The following MEGF11 variants were observed in gnomAD, a reference collection of about 807,000 sequenced individuals.
MEGF11 encodes multiple epidermal growth factor-like domains protein 11.
MEGF11 carries 126 observed loss-of-function variants against 146.6 expected under a neutral mutation model. That is an observed-to-expected ratio of 0.86 (90% CI 0.74 to 1.00). MEGF11 has a LOEUF of 1.00. Ranked by LOEUF, MEGF11 falls within the 50% of genes least tolerant of loss-of-function variation. The probability of loss-of-function intolerance (pLI) is 0.00; values close to 1 mark genes in which losing one functional copy is unlikely to be tolerated. For missense variants in MEGF11, 1,509 were observed against 1,521.2 expected, an observed-to-expected ratio of 0.99 and a Z score of 0.13; for synonymous variants, 532 against 583.4, an observed-to-expected ratio of 0.91 and a Z score of 1.27.
chr15:66,102,529 C>A (rs1597085180), intron 4 of MEGF11, among the ~76,000 whole-genome samples: 2 of 151,118 alleles, frequency 1.3e-5, no homozygotes, highest in Admixed American at 6.6e-5. Flanking sequence ...TGGGCTCAAG[C>A]AATCCTCCTG....
intron 1 of MEGF11, among the ~76,000 whole-genome samples, chr15:66,220,606 C>T (rs2091711574): frequency 6.8e-6 from 1 of 147,334 alleles, no homozygotes; most frequent in African/African-American, 2.5e-5. Flanking sequence ...GGCGTGATCT[C>T]GGCTCACTGC....
At chr15:66,008,239 G>C (rs777635114) in intron 5 of MEGF11, among the ~76,000 whole-genome samples, 1 of 152,148 alleles carries the variant, frequency 6.6e-6, no homozygotes, top group Non-Finnish European at 1.5e-5. Flanking sequence ...AGATGTTGTA[G>C]TTGAAGCAGA....
intron 5 of MEGF11, among the ~76,000 whole-genome samples, chr15:65,983,456 G>A (rs1026961982): frequency 5.3e-5 from 8 of 152,120 alleles, no homozygotes; most frequent in African/African-American, 1.2e-4. Context: ...AGCCTCATTC[G>A]CTCAAATTCT....
intron 21 of MEGF11, chr15:65,910,107 G>A: frequency 1.8e-6 from 1 of 545,112 alleles, no homozygotes. Flanking sequence ...GCTGGGGGGT[G>A]GGGCTGAGCT....
intron 5 of MEGF11, among the ~76,000 whole-genome samples, chr15:65,999,047 C>CTT (rs35982125): frequency 1.4e-5 from 2 of 143,986 alleles, no homozygotes; most frequent in Non-Finnish European, 1.5e-5. Flanking sequence ...GGTGTCACTT[C>CTT]TTTTTTTTTT....
intron 5 of MEGF11, among the ~76,000 whole-genome samples, chr15:66,090,198 C>T (rs140878933): frequency 3.1e-3 from 472 of 151,890 alleles, no homozygotes; most frequent in Non-Finnish European, 4.4e-3. Flanking sequence ...CTGTCAAAGT[C>T]ATAAATCCAT....
chr15:66,132,785 A>G lies in MEGF11; in HGVS notation c.-8-4374T>C, dbSNP rs114496436. Among the ~76,000 whole-genome samples the G allele has an allele frequency of 4.9e-3, 744 of 152,120 alleles. 6 individuals carry two copies. Among genetic ancestry groups the G allele is most frequent in the African/African-American group, 0.017 (707 of 41,494 alleles). The stretch of plus-strand genomic sequence containing the variant: ...TGGAAATTTCTCCCCTCCTATATTT[A>G]CCACTTAGATATGGCCTTGGCTCTT... On this transcript the variant is annotated intron_variant, in intron 1 of 25. Coordinates refer to ENST00000395614, the MANE Select transcript of MEGF11 (RefSeq NM_001385028.1).
At chr15:66,249,301 G>A (rs1390828098) in intron 1 of MEGF11, among the ~76,000 whole-genome samples, 2 of 152,122 alleles carry the variant, frequency 1.3e-5, no homozygotes, top group Non-Finnish European at 2.9e-5. Flanking sequence ...CCATTAGCAG[G>A]AGAAGCAATC....
At chr15:66,078,065 A>T (rs1439981562) in intron 5 of MEGF11, among the ~76,000 whole-genome samples, 1 of 152,162 alleles carries the variant, frequency 6.6e-6, no homozygotes, top group African/African-American at 2.4e-5. Flanking sequence ...GGCAGAGGGC[A>T]TCAACCAGAG....
chr15:66,069,401 G>T (rs1442334262), intron 5 of MEGF11, among the ~76,000 whole-genome samples: 2 of 152,214 alleles, frequency 1.3e-5, no homozygotes, highest in Non-Finnish European at 2.9e-5. Flanking sequence ...AACCAGCATG[G>T]ACTGAATACT....
At chr15:66,092,653 G>C (rs139067694) in intron 5 of MEGF11, among the ~76,000 whole-genome samples, 1 of 152,160 alleles carries the variant, frequency 6.6e-6, no homozygotes, top group African/African-American at 2.4e-5. Context: ...CAGAAACCCT[G>C]AAAAGACACA....
intron 5 of MEGF11, among the ~76,000 whole-genome samples, chr15:66,089,183 G>C (rs539144241): frequency 4.6e-5 from 7 of 152,302 alleles, no homozygotes; most frequent in Non-Finnish European, 8.8e-5. Context: ...CACCATTCAA[G>C]ATAAGAACAC....
At position 66,089,859 on chromosome 15, in the gene MEGF11, G is replaced by C. The variant is rs1354161217; in HGVS notation, c.394+4543C>G. On this transcript the variant is annotated intron_variant, in intron 5 of 25. Coordinates refer to ENST00000395614, the MANE Select transcript of MEGF11 (RefSeq NM_001385028.1). ...TCTTCCTTTTTATCTCCACTTGTGAGATTAGTGCAATTTAATAAGAGTCAC... is the reference window on the plus strand; with the variant it reads ...TCTTCCTTTTTATCTCCACTTGTGACATTAGTGCAATTTAATAAGAGTCAC... Among the ~76,000 whole-genome samples the C allele has an allele frequency of 2.6e-5, 4 of 152,200 alleles. No homozygotes were observed. In the East Asian group the frequency reaches 7.7e-4, roughly 29 times the overall value.
chr15:65,940,098 G>A (rs1438369658), intron 10 of MEGF11, among the ~76,000 whole-genome samples: 1 of 152,148 alleles, frequency 6.6e-6, no homozygotes, highest in Admixed American at 6.5e-5. Flanking sequence ...ACGGGGTGGG[G>A]CATAAAATGA....
intron 10 of MEGF11, among the ~76,000 whole-genome samples, chr15:65,944,745 A>G (rs1596881315): frequency 6.6e-6 from 1 of 152,252 alleles, no homozygotes; most frequent in South Asian, 2.1e-4. Context: ...AAAAACAATT[A>G]TAGGCTGAAT....
intron 5 of MEGF11, among the ~76,000 whole-genome samples, chr15:66,090,724 A>C (rs1303322069): frequency 6.6e-6 from 1 of 152,390 alleles, no homozygotes; most frequent in East Asian, 1.9e-4. Context: ...ACAAGGGACT[A>C]GTTAAATGCA....
At chr15:66,067,428 G>A (rs1263938147) in intron 5 of MEGF11, among the ~76,000 whole-genome samples, 1 of 152,218 alleles carries the variant, frequency 6.6e-6, no homozygotes, top group Non-Finnish European at 1.5e-5. Context: ...CTTTACAGAT[G>A]GAGAAAATGA....
intron 1 of MEGF11, among the ~76,000 whole-genome samples, chr15:66,193,288 A>G (rs546590681): frequency 1.7e-4 from 26 of 152,306 alleles, no homozygotes; most frequent in African/African-American, 6.3e-4. Context: ...CTTTGTGTTC[A>G]TATAGCTGCT....
intron 1 of MEGF11, among the ~76,000 whole-genome samples, chr15:66,218,762 T>C (rs1433554132): frequency 1.3e-5 from 2 of 152,072 alleles, no homozygotes; most frequent in Non-Finnish European, 2.9e-5. Flanking sequence ...AAATAGAATG[T>C]ACTTGGACCA....
Sources: allele counts gnomAD v4.1 joint callset (sites outside exome capture counted in the v4.1 genomes callset), GRCh38; gene constraint gnomAD v4.1.1; transcripts MANE v1.5; gene names NCBI Gene and HGNC (gene_info 2026-07-23, HGNC 2026-07-21).